Variants in LARGE1 observed in about 807,000 individuals in gnomAD.
LARGE1 encodes the protein LARGE xylosyl- and glucuronyltransferase 1.
In LARGE1, 43 loss-of-function variants were observed where a neutral mutation model predicts 87.6. The ratio of observed to expected loss-of-function variants is 0.49; its 90% CI spans 0.38 to 0.63. LARGE1 has a LOEUF of 0.63. LARGE1 is among the 30% of genes least tolerant of loss of function. The pLI is 0.00. For synonymous variants in LARGE1, 434 were observed against 394.6 expected (o/e 1.10, Z -1.18); for missense variants, 802 against 1,000.2 (o/e 0.80, Z 2.67).
chr22:33,605,937 A>C (rs948492896), intron 4 of LARGE1, among the ~76,000 whole-genome samples: 2 of 152,144 alleles, frequency 1.3e-5, no homozygotes, highest in African/African-American at 4.8e-5. Context: ...CTGTGCCCTA[A>C]AGGGAAATGC....
chr22:33,854,916 C>T (rs372400225), intron 1 of LARGE1, among the ~76,000 whole-genome samples: 1 of 152,292 alleles, frequency 6.6e-6, no homozygotes, highest in African/African-American at 2.4e-5. Flanking sequence ...GCGTCCTTCA[C>T]AAGCTTATGG....
chr22:33,282,951 C>T (rs1219985758), intron 13 of LARGE1, among the ~76,000 whole-genome samples: 1 of 152,184 alleles, frequency 6.6e-6, no homozygotes, highest in East Asian at 1.9e-4. Context: ...TTCCACCCTC[C>T]AAACATGCCT....
intron 6 of LARGE1, among the ~76,000 whole-genome samples, chr22:33,449,071 T>C (rs2067807182): frequency 6.6e-6 from 1 of 152,236 alleles, no homozygotes; most frequent in Non-Finnish European, 1.5e-5. Flanking sequence ...CCAAGTGTTA[T>C]GTGTATTAAT....
At chr22:33,343,814 TAGTC>T (rs1260743118) in intron 9 of LARGE1, among the ~76,000 whole-genome samples, 1 of 152,170 alleles carries the variant, frequency 6.6e-6, no homozygotes. Flanking sequence ...CTCAGTATAT[TAGTC>T]AGGGTTCTCT....
intron 6 of LARGE1, among the ~76,000 whole-genome samples, chr22:33,432,583 TCATTCATTCATTCATG>T (rs758176038): frequency 2.1e-5 from 3 of 142,822 alleles, no homozygotes; most frequent in Non-Finnish European, 4.5e-5. Context: ...ATTCATTCAT[TCATTCATTCATTCATG>T]CATGCATGCA....
At chr22:33,765,794 A>C (rs193059215) in intron 1 of LARGE1, among the ~76,000 whole-genome samples, 18 of 151,834 alleles carry the variant, frequency 1.2e-4, no homozygotes, top group Admixed American at 4.6e-4. Context: ...ATTTGGCATT[A>C]ATAATATTCA....
chr22:33,195,120 C>T (rs543059154), intron 11 of LARGE1, among the ~76,000 whole-genome samples: 4 of 152,148 alleles, frequency 2.6e-5, no homozygotes, highest in Non-Finnish European at 4.4e-5. Flanking sequence ...TTATTAGAAC[C>T]GTCATATCTC....
intron 11 of LARGE1, among the ~76,000 whole-genome samples, chr22:33,168,438 A>G (rs1297706871): frequency 6.6e-6 from 1 of 152,234 alleles, no homozygotes; most frequent in Non-Finnish European, 1.5e-5. Context: ...AGGAGTTATC[A>G]CAAACCATTT....
At chr22:33,880,140 C>T (rs543530848) in intron 1 of LARGE1, among the ~76,000 whole-genome samples, 17 of 152,186 alleles carry the variant, frequency 1.1e-4, no homozygotes, top group African/African-American at 3.4e-4. Context: ...TGTCCACCCA[C>T]GTTAACATGC....
exon 12 of LARGE1, chr22:33,164,337 C>A (rs1189229365): frequency 6.6e-6 from 1 of 152,076 alleles, no homozygotes; most frequent in Non-Finnish European, 1.5e-5. Context: ...TCGAAGTTCC[C>A]AAGTACGTCT....
chr22:33,334,830 A>T (rs1283719611), intron 10 of LARGE1, among the ~76,000 whole-genome samples: 1 of 151,872 alleles, frequency 6.6e-6, no homozygotes, highest in Non-Finnish European at 1.5e-5. Context: ...CTCTAAGTTC[A>T]ACCCCCGTGA....
At chr22:33,284,604 G>A (rs904728634) in intron 12 of LARGE1, among the ~76,000 whole-genome samples, 1 of 151,708 alleles carries the variant, frequency 6.6e-6, no homozygotes, top group Non-Finnish European at 1.5e-5. Flanking sequence ...TGGAGATGGA[G>A]TCTTGCTCTG....
chr22:33,365,748 C>A (rs902295516), intron 9 of LARGE1, among the ~76,000 whole-genome samples: 2 of 151,992 alleles, frequency 1.3e-5, no homozygotes, highest in Non-Finnish European at 1.5e-5. Flanking sequence ...TCCTGAGTAG[C>A]TGGGACTACA....
chr22:33,536,552 A>T (rs2077049871), intron 6 of LARGE1, among the ~76,000 whole-genome samples: 1 of 152,240 alleles, frequency 6.6e-6, no homozygotes, highest in Non-Finnish European at 1.5e-5. Context: ...ACAAGTCAAC[A>T]AGCATTTTCA....
the LARGE1 span, among the ~76,000 whole-genome samples, chr22:33,102,460 T>C: frequency 3.3e-5 from 5 of 152,006 alleles, no homozygotes; most frequent in Non-Finnish European, 7.4e-5. Context: ...TATGAGCCAC[T>C]GCACCTGGGC....
At chr22:33,085,712 T>C in the LARGE1 span, among the ~76,000 whole-genome samples, 28 of 152,234 alleles carry the variant, frequency 1.8e-4, no homozygotes, top group Non-Finnish European at 3.2e-4. Flanking sequence ...TGTTGATTTG[T>C]ATAATGAAAA....
the LARGE1 span, among the ~76,000 whole-genome samples, chr22:33,074,689 T>TAACA: frequency 3.3e-5 from 5 of 151,486 alleles, no homozygotes; most frequent in Middle Eastern, 3.4e-3. Context: ...ACAAACAAAC[T>TAACA]AACAAACAAA....
At chr22:33,334,622 C>T (rs5998882) in intron 10 of LARGE1, among the ~76,000 whole-genome samples, 24,327 of 152,036 alleles carry the variant, frequency 0.16, 4,441 homozygotes, top group African/African-American at 0.45. Context: ...ATGTAGAAAG[C>T]ACAGAAAGGA....
intron 1 of LARGE1, among the ~76,000 whole-genome samples, chr22:33,833,044 C>T (rs932480823): frequency 2.4e-4 from 37 of 152,102 alleles, no homozygotes; most frequent in African/African-American, 7.5e-4. Context: ...CTGCAGGATG[C>T]CCCAGTGCAG....
Sources: allele counts gnomAD v4.1 joint callset (sites outside exome capture counted in the v4.1 genomes callset), GRCh38; gene constraint gnomAD v4.1.1; transcripts MANE v1.5; gene names NCBI Gene and HGNC (gene_info 2026-07-23, HGNC 2026-07-21).